SLC35E3: variants seen among roughly 807,000 people sequenced by gnomAD.
The protein encoded by SLC35E3 is bladder cancer-overexpressed gene 1 protein.
Under a neutral mutation model 30.8 loss-of-function variants are expected in SLC35E3, and 28 were observed. The ratio of observed to expected loss-of-function variants is 0.91; its 90% CI spans 0.67 to 1.25. The LOEUF is 1.25. Among genes scored for constraint, SLC35E3 ranks in the 50% most tolerant of loss-of-function variants. SLC35E3 has a pLI of 0.00. For synonymous variants in SLC35E3, 146 were observed against 149.2 expected (o/e 0.98, Z 0.16); for missense variants, 365 against 375.4 (o/e 0.97, Z 0.23).
rs970760953 is a variant in SLC35E3, at chr12:68,766,817, T to C, written c.*1927T>C. On this transcript the variant is annotated 3_prime_UTR_variant, in exon 5 of 5. Coordinates refer to ENST00000398004, the MANE Select transcript of SLC35E3 (RefSeq NM_018656.5). The stretch of plus-strand genomic sequence containing the variant: ...TCAGGCTGATCTCAAACTCTTGAGC[T>C]CAAGCCATCTGTCTGCCTCAGCCTC... 4.5e-6 allele frequency: 2 copies of C among 447,214 alleles called. No homozygotes were observed. Among genetic ancestry groups the C allele is most frequent in the Non-Finnish European group, 9.0e-6 (2 of 223,272 alleles). The allele number at this position is 447,214 out of a possible 1,614,324, so 27.7% of individuals were successfully genotyped here.
chr12:68,764,610 G>A (rs1281114935), intron 4 of SLC35E3, 94 bp from the exon 5 acceptor site: 1 of 1,174,112 alleles, frequency 8.5e-7, no homozygotes, highest in Admixed American at 2.1e-5. Context: ...ACATCTGATG[G>A]GCTGCTTTTG....
Position 68,773,320 on chromosome 12 carries a change from C to T in SLC35E3, c.*8430C>T, listed in dbSNP as rs550089516. 4 of 152,116 alleles carry T rather than the reference C, an allele frequency of 2.6e-5. No individual in the cohort carries two copies. Among genetic ancestry groups the T allele is most frequent in the Admixed American group, 6.6e-5 (1 of 15,262 alleles). 9.4% of individuals were successfully genotyped at this position (152,116 alleles called of 1,614,324 possible). A position where few individuals can be genotyped will look rare whatever the true frequency, so the allele number is the denominator to read the frequency against. ...TACTCTGTTGAGGAGATGGAATCTCCTGGAATCTCAAAAAGGATTTCCTTT... is the reference window on the plus strand; with the variant it reads ...TACTCTGTTGAGGAGATGGAATCTCTTGGAATCTCAAAAAGGATTTCCTTT... On this transcript the variant is annotated 3_prime_UTR_variant, in exon 5 of 5. Transcript: ENST00000398004.
At chr12:68,751,302 T>TTTG (rs34157868) in intron 2 of SLC35E3, among the ~76,000 whole-genome samples, 45,453 of 142,448 alleles carry the variant, frequency 0.32, 6,997 homozygotes, top group Middle Eastern at 0.35. Flanking sequence ...TCTGTCTTTG[T>TTTG]TTTTTTTTTT....
At position 68,765,851 on chromosome 12, in the gene SLC35E3, A is replaced by G. The variant is rs1357596850; in HGVS notation, c.*961A>G. The G allele has an allele frequency of 6.6e-6, 1 of 151,674 alleles. No individual in the cohort carries two copies. Among genetic ancestry groups the G allele is most frequent in the Non-Finnish European group, 1.5e-5 (1 of 67,944 alleles). 9.4% of individuals were successfully genotyped at this position (151,674 alleles called of 1,614,324 possible). On this transcript the variant is annotated 3_prime_UTR_variant, in exon 5 of 5. Coordinates refer to ENST00000398004, the MANE Select transcript of SLC35E3 (RefSeq NM_018656.5). Reference sequence around the variant, plus strand: ...AAGGAATTGCTGTTACTGTACTGCAAATATGCTGTGGGTTCTCGGTGTTCA... The same window carrying G: ...AAGGAATTGCTGTTACTGTACTGCAGATATGCTGTGGGTTCTCGGTGTTCA...
rs955807176 is a variant in SLC35E3, at chr12:68,777,384, T to A, written c.*12494T>A. On this transcript the variant is annotated 3_prime_UTR_variant, in exon 5 of 5. Transcript: ENST00000398004. ...ACTCAAATAGCATTCCTCACAGGAATGTCACACCTGTGACTCTCTCATACC... is the reference window on the plus strand; with the variant it reads ...ACTCAAATAGCATTCCTCACAGGAAAGTCACACCTGTGACTCTCTCATACC... The A allele has an allele frequency of 2.0e-5, 3 of 152,186 alleles. No homozygotes were observed. Among genetic ancestry groups the A allele is most frequent in the African/African-American group, 7.2e-5 (3 of 41,456 alleles). The allele number at this position is 152,186 out of a possible 1,614,324, so 9.4% of individuals were successfully genotyped here.
Position 68,773,240 on chromosome 12 carries a change from T to G in SLC35E3, c.*8350T>G, listed in dbSNP as rs1879653731. On this transcript the variant is annotated 3_prime_UTR_variant, in exon 5 of 5. Coordinates refer to ENST00000398004, the MANE Select transcript of SLC35E3 (RefSeq NM_018656.5). ...AAGTAAAAAAGAGTCTACAGTTCAG[T>G]GCAGGATAGGGATGGGTGGGCCTTA... is the stretch of plus-strand genomic sequence containing the variant. 6.6e-6 allele frequency: 1 copy of G among 152,068 alleles called. No homozygotes were observed. 9.4% of individuals were successfully genotyped at this position (152,068 alleles called of 1,614,324 possible). A position where few individuals can be genotyped will look rare whatever the true frequency, so the allele number is the denominator to read the frequency against.
Position 68,765,332 on chromosome 12 carries a change from T to C in SLC35E3, c.*442T>C, listed in dbSNP as rs898347481. The stretch of plus-strand genomic sequence containing the variant: ...TAACACAAAGCAGATTTTATTCATA[T>C]AATGACTTTTTTTTAAGAGTCTCTT... On this transcript the variant is annotated 3_prime_UTR_variant, in exon 5 of 5. Transcript: ENST00000398004. The C allele has an allele frequency of 6.6e-6, 1 of 152,376 alleles. No individual in the cohort carries two copies. Among genetic ancestry groups the C allele is most frequent in the Admixed American group, 6.5e-5 (1 of 15,280 alleles). The allele number at this position is 152,376 out of a possible 1,614,324, so 9.4% of individuals were successfully genotyped here.
rs1879331202 is a variant in SLC35E3 at position 68,764,819 on chromosome 12, A to G, written c.871A>G (p.Ile291Val). 1 of 1,614,060 alleles carries G rather than the reference A, an allele frequency of 6.2e-7. No homozygotes were observed. Among genetic ancestry groups the G allele is most frequent in the Non-Finnish European group, 8.5e-7 (1 of 1,180,040 alleles). ...ALGILCTLFG[I>V]LAYTHFKLSE... ...TGGCATTTTATGTACATTATTTGGC[A>G]TTCTCGCCTATACCCACTTTAAGCT... Residue 291 changes from isoleucine to valine, a missense_variant, in exon 5 of 5, where the codon ATT (isoleucine) becomes GTT (valine). Transcript: ENST00000398004.
intron 3 of SLC35E3, 91 bp downstream of exon 3, chr12:68,752,281 C>T (rs559471399): frequency 1.9e-5 from 22 of 1,169,702 alleles, no homozygotes; most frequent in South Asian, 1.3e-4. Flanking sequence ...GCACTATGTC[C>T]GATCCATTCT....
rs1018133875 is a variant in SLC35E3 at position 68,779,646 on chromosome 12, A to G, written c.*14756A>G. ...TGAATGAATGAATAAAATGTGATTA[A>G]TAAATATGGGGGCCAGGTACAGTGG... is the stretch of plus-strand genomic sequence containing the variant. On this transcript the variant is annotated 3_prime_UTR_variant, in exon 5 of 5. Coordinates refer to ENST00000398004, the MANE Select transcript of SLC35E3 (RefSeq NM_018656.5). 6.6e-6 allele frequency: 1 copy of G among 152,262 alleles called. No individual in the cohort carries two copies. Among genetic ancestry groups the G allele is most frequent in the African/African-American group, 2.4e-5 (1 of 41,470 alleles). The allele number at this position is 152,262 out of a possible 1,614,324, so 9.4% of individuals were successfully genotyped here. A position where few individuals can be genotyped will look rare whatever the true frequency, so the allele number is the denominator to read the frequency against.
rs1314767463 is a variant in SLC35E3 at position 68,768,400 on chromosome 12, TG to T, written c.*3514del. Reference sequence around the variant, plus strand: ...GTAAGAAGATTGGAGTAAGACAGGATGGGGTTACATGTATATAAATGAATAA... The same window carrying T: ...GTAAGAAGATTGGAGTAAGACAGGATGGGTTACATGTATATAAATGAATAA... On this transcript the variant is annotated 3_prime_UTR_variant, in exon 5 of 5. Transcript: ENST00000398004. The T allele has an allele frequency of 6.6e-6, 1 of 152,020 alleles. No individual in the cohort carries two copies. The highest frequency in any genetic ancestry group is 1.5e-5 in the Non-Finnish European group (1 of 67,986). The allele number at this position is 152,020 out of a possible 1,614,324, so 9.4% of individuals were successfully genotyped here.
chr12:68,753,412 C>T (rs73334629), intron 3 of SLC35E3, among the ~76,000 whole-genome samples: 7,599 of 151,554 alleles, frequency 0.05, 636 homozygotes, highest in African/African-American at 0.17. Context: ...AAGATAGCAC[C>T]ACTGCATTTC....
chr12:68,763,952 G>T (rs1428329573), intron 4 of SLC35E3, among the ~76,000 whole-genome samples: 1 of 152,124 alleles, frequency 6.6e-6, no homozygotes, highest in Admixed American at 6.6e-5. Flanking sequence ...GAAGGTAAAC[G>T]TGATGCCTAA....
chr12:68,764,051 C>T (rs985107185), intron 4 of SLC35E3, among the ~76,000 whole-genome samples: 1 of 152,188 alleles, frequency 6.6e-6, no homozygotes, highest in African/African-American at 2.4e-5. Flanking sequence ...CCTCTTTTCC[C>T]TCCTTAACTC....
rs1288146150 is a variant in SLC35E3, at chr12:68,779,318, T to C, written c.*14428T>C. Reference sequence around the variant, plus strand: ...AGGTTTTAAATGAAAAGATTTTTGTTTTCTGTACATTTATTTAAATTTAAA... The same window carrying C: ...AGGTTTTAAATGAAAAGATTTTTGTCTTCTGTACATTTATTTAAATTTAAA... On this transcript the variant is annotated 3_prime_UTR_variant, in exon 5 of 5. Transcript: ENST00000398004. The C allele has an allele frequency of 6.6e-6, 1 of 152,178 alleles. No individual in the cohort carries two copies. Among genetic ancestry groups the C allele is most frequent in the Non-Finnish European group, 1.5e-5 (1 of 68,032 alleles). 9.4% of individuals were successfully genotyped at this position (152,178 alleles called of 1,614,324 possible).
In SLC35E3 at chr12:68,761,008, T is replaced by G. The variant is rs114633256; in HGVS notation, c.755+1769T>G. Among the ~76,000 whole-genome samples the G allele has an allele frequency of 6.4e-3, 969 of 152,196 alleles. 10 individuals carry two copies. The highest frequency in any genetic ancestry group is 0.022 in the African/African-American group (903 of 41,514). ...AGTAAAGACCTGAAGGAAATGCAGTTGCTCCATGCAGATCAGGAGGAAAGA... is the reference window on the plus strand; with the variant it reads ...AGTAAAGACCTGAAGGAAATGCAGTGGCTCCATGCAGATCAGGAGGAAAGA... On this transcript the variant is annotated intron_variant, in intron 4 of 4. Transcript: ENST00000398004.
rs182991640 is a variant in SLC35E3 at position 68,759,455 on chromosome 12, A to G, written c.755+216A>G. 2.8e-4 allele frequency among the ~76,000 whole-genome samples: 43 copies of G among 152,236 alleles called. No individual in the cohort carries two copies. In the East Asian group the frequency reaches 7.9e-3, roughly 28 times the overall value. ...GTGGTGGCTCACACCTGTAATCCCA[A>G]CACTTCAGGAGGCCGAGGCGGGTGA... On this transcript the variant is annotated intron_variant, in intron 4 of 4. Coordinates refer to ENST00000398004, the MANE Select transcript of SLC35E3 (RefSeq NM_018656.5).
In SLC35E3 at chr12:68,750,301, A is replaced by G. The variant is rs186584951; in HGVS notation, c.514-1731A>G. 3.0e-3 allele frequency among the ~76,000 whole-genome samples: 452 copies of G among 152,342 alleles called. 3 individuals are homozygous for G. Among genetic ancestry groups the G allele is most frequent in the African/African-American group, 0.01 (417 of 41,574 alleles). On this transcript the variant is annotated intron_variant, in intron 2 of 4. Transcript: ENST00000398004. ...GTAGAGATGGCCAGGAGACTGGCCA[A>G]TATAAGGTTAAGGATGCTCAAGCGA... is the stretch of plus-strand genomic sequence containing the variant.
intron 3 of SLC35E3, among the ~76,000 whole-genome samples, chr12:68,754,097 G>A (rs924922728): frequency 2.6e-4 from 39 of 152,028 alleles, no homozygotes; most frequent in African/African-American, 9.4e-4. Context: ...CACCCGCCTC[G>A]GCCTCCCAAA....
Sources: allele counts gnomAD v4.1 joint callset (sites outside exome capture counted in the v4.1 genomes callset), GRCh38; gene constraint gnomAD v4.1.1; transcripts MANE v1.5; gene names NCBI Gene and HGNC (gene_info 2026-07-23, HGNC 2026-07-21).